TMED3: variants seen among roughly 807,000 people sequenced by gnomAD.
TMED3 encodes the protein transmembrane p24 trafficking protein 3.
Under a neutral mutation model 15.0 loss-of-function variants are expected in TMED3, and 9 were observed. The observed-to-expected ratio is 0.60, with a 90% CI of 0.36 to 1.04. The LOEUF (loss-of-function observed/expected upper bound fraction) is 1.04, where lower values mean the gene tolerates loss of function less well. Ranked by LOEUF, TMED3 falls within the 50% of genes least tolerant of loss-of-function variation. The pLI is 0.01. For synonymous variants in TMED3, 117 were observed against 121.4 expected, an observed-to-expected ratio of 0.96 and a Z score of 0.24; for missense variants, 267 against 278.9, an observed-to-expected ratio of 0.96 and a Z score of 0.30.
intron 2 of TMED3, among the ~76,000 whole-genome samples, chr15:79,388,938 TG>T (rs35762229): frequency 0.099 from 14,994 of 152,184 alleles, 856 homozygotes; most frequent in Admixed American, 0.14. Flanking sequence ...TTGATGAGAT[TG>T]TTTTTTTTCT....
chr15:79,332,667 A>G (rs1176275557), intron 2 of TMED3, among the ~76,000 whole-genome samples: 2 of 152,188 alleles, frequency 1.3e-5, no homozygotes, highest in African/African-American at 4.8e-5. Context: ...CTCGCTTATC[A>G]TTCAGCTGTA....
exon 3 of TMED3, chr15:79,413,837 C>T (rs904273351): frequency 5.3e-5 from 8 of 152,178 alleles, no homozygotes; most frequent in East Asian, 1.9e-4. Flanking sequence ...GGTTATAGAA[C>T]TGGATACATC....
intron 2 of TMED3, among the ~76,000 whole-genome samples, chr15:79,359,567 G>T (rs1023410326): frequency 2.6e-5 from 4 of 152,144 alleles, no homozygotes; most frequent in Admixed American, 2.6e-4. Flanking sequence ...AAAATCAGCT[G>T]AGAGGTGAGT....
At chr15:79,393,609 A>G (rs1893724647) in intron 2 of TMED3, among the ~76,000 whole-genome samples, 1 of 152,238 alleles carries the variant, frequency 6.6e-6, no homozygotes, top group African/African-American at 2.4e-5. Flanking sequence ...TATATTATAG[A>G]TTGGAGAAAC....
chr15:79,343,941 T>C lies in TMED3; in HGVS notation c.417+29936T>C, dbSNP rs371030624. Among the ~76,000 whole-genome samples the C allele has an allele frequency of 1.7e-4, 26 of 152,226 alleles. No homozygotes were observed. The East Asian group carries it at 4.2e-3, about 25-fold the overall frequency. ...ATCGCTATTAGAGGTCCTGCAGAGA[T>C]AGCAATTCAACAGCCATATGAGTCT... On this transcript the variant is annotated intron_variant, in intron 2 of 2. Transcript: ENST00000424155.
chr15:79,357,238 A>G (rs928099118), intron 2 of TMED3, among the ~76,000 whole-genome samples: 2 of 151,814 alleles, frequency 1.3e-5, no homozygotes, highest in Non-Finnish European at 2.9e-5. Context: ...TAATCCTGGC[A>G]TTTTGGGAAA....
At chr15:79,353,415 TAAAA>T (rs1364682010) in intron 2 of TMED3, among the ~76,000 whole-genome samples, 2 of 135,324 alleles carry the variant, frequency 1.5e-5, no homozygotes, top group Non-Finnish European at 3.1e-5. Flanking sequence ...TATATATATA[TAAAA>T]ATCAATATTT....
intron 2 of TMED3, among the ~76,000 whole-genome samples, chr15:79,355,386 G>A (rs1038742814): frequency 3.9e-5 from 6 of 152,140 alleles, no homozygotes; most frequent in Middle Eastern, 6.3e-3. Context: ...CCAGCCCGTA[G>A]GTTAGGTGGC....
At chr15:79,395,091 C>T (rs1483975549) in intron 2 of TMED3, among the ~76,000 whole-genome samples, 1 of 152,098 alleles carries the variant, frequency 6.6e-6, no homozygotes, top group Non-Finnish European at 1.5e-5. Flanking sequence ...TCTTCTCTGC[C>T]TTCTGTTGGC....
At chr15:79,412,545 C>T (rs1894002076) in exon 3 of TMED3, 2 of 152,418 alleles carry the variant, frequency 1.3e-5, no homozygotes, top group Admixed American at 1.3e-4. Context: ...ACCTGCCAGT[C>T]TCCCGCTCCC....
chr15:79,328,578 G>C (rs2058795870), intron 2 of TMED3, among the ~76,000 whole-genome samples: 3 of 152,344 alleles, frequency 2.0e-5, no homozygotes, highest in Middle Eastern at 6.8e-3. Context: ...TCTGGAAGCT[G>C]CAGAACAGTG....
intron 2 of TMED3, among the ~76,000 whole-genome samples, chr15:79,407,650 G>A (rs1392359263): frequency 6.6e-6 from 1 of 152,150 alleles, no homozygotes; most frequent in Non-Finnish European, 1.5e-5. Flanking sequence ...AGTTTTATTG[G>A]AACACTTCCA....
chr15:79,346,750 C>T (rs1248513718), intron 2 of TMED3, among the ~76,000 whole-genome samples: 1 of 152,120 alleles, frequency 6.6e-6, no homozygotes, highest in Non-Finnish European at 1.5e-5. Context: ...AGCGAATTCT[C>T]CCAGCACCAT....
At position 79,397,333 on chromosome 15, in the gene TMED3, T is replaced by C. The variant is rs537358475; in HGVS notation, c.418-14067T>C. Among the ~76,000 whole-genome samples the C allele has an allele frequency of 1.1e-4, 17 of 152,366 alleles. No homozygotes were observed. In the South Asian group the frequency reaches 1.9e-3, roughly 17 times the overall value. On this transcript the variant is annotated intron_variant, in intron 2 of 2. Coordinates refer to the TMED3 transcript ENST00000424155. Reference sequence around the variant, plus strand: ...TGCCTTTCAGAAAGTATTGTGTACATAGCAGTCTGCTCACCTTTCTTTCAT... The same window carrying C: ...TGCCTTTCAGAAAGTATTGTGTACACAGCAGTCTGCTCACCTTTCTTTCAT...
chr15:79,314,903 A>G (rs765259478), intron 2 of TMED3, among the ~76,000 whole-genome samples: 5 of 152,162 alleles, frequency 3.3e-5, no homozygotes, highest in Non-Finnish European at 5.9e-5. Context: ...AGGACCCTGA[A>G]TGATTTACTT....
intron 2 of TMED3, among the ~76,000 whole-genome samples, chr15:79,398,372 A>G (rs1338782519): frequency 1.3e-5 from 2 of 151,964 alleles, no homozygotes; most frequent in Non-Finnish European, 2.9e-5. Flanking sequence ...ATCATAGCTC[A>G]CTGTAGCCTT....
intron 2 of TMED3, among the ~76,000 whole-genome samples, chr15:79,340,906 G>T (rs1299175452): frequency 6.6e-6 from 1 of 152,066 alleles, no homozygotes; most frequent in Non-Finnish European, 1.5e-5. Flanking sequence ...CAGATAAAAG[G>T]TAATTTGCTG....
At chr15:79,385,637 AAG>A (rs1165427022) in intron 2 of TMED3, among the ~76,000 whole-genome samples, 1 of 152,136 alleles carries the variant, frequency 6.6e-6, no homozygotes, top group Non-Finnish European at 1.5e-5. Flanking sequence ...AGCTGCACCC[AAG>A]AGGGCAGATC....
intron 2 of TMED3, chr15:79,384,160 C>T (rs909297938): frequency 6.6e-6 from 1 of 152,232 alleles, no homozygotes; most frequent in Non-Finnish European, 1.5e-5. Context: ...CAATAAGGTA[C>T]ATCTTCCCTT....
Sources: allele counts gnomAD v4.1 joint callset (sites outside exome capture counted in the v4.1 genomes callset), GRCh38; gene constraint gnomAD v4.1.1; transcripts MANE v1.5; gene names NCBI Gene and HGNC (gene_info 2026-07-23, HGNC 2026-07-21).